The following LMO7 variants were observed in gnomAD, a reference collection of about 807,000 sequenced individuals.
The protein encoded by LMO7 is LIM domain only protein 7.
Under a neutral mutation model 206.5 loss-of-function variants are expected in LMO7, and 120 were observed. That is an observed-to-expected ratio of 0.58 (90% confidence interval 0.50 to 0.68). The LOEUF (loss-of-function observed/expected upper bound fraction) is 0.68. Among genes scored for constraint, LMO7 ranks in the 30% least tolerant of loss-of-function variants. The probability of loss-of-function intolerance (pLI) is 0.00; values close to 1 mark genes in which losing one functional copy is unlikely to be tolerated. For synonymous variants in LMO7, 706 were observed against 681.5 expected (o/e 1.04, Z -0.56); for missense variants, 1,959 against 1,957.9 (o/e 1.00, Z -0.01).
chr13:75,800,996 A>G, intron 7 of LMO7, 114 bp downstream of exon 7: 1 of 885,242 alleles, frequency 1.1e-6, no homozygotes, highest in Non-Finnish European at 1.8e-6. Context: ...TTAGAAGTGG[A>G]TTTTCATAGA....
In LMO7 at chr13:75,849,206, AC is replaced by A. The variant is rs1566614686; in HGVS notation, c.4282del (p.Leu1428PhefsTer26). Reference sequence around the variant, plus strand: ...TCCTTCAGGAAATGAGGAAGAGAACACCCCTTCACAATGACAACAGCTGGAT... The same window carrying A: ...TCCTTCAGGAAATGAGGAAGAGAACACCCTTCACAATGACAACAGCTGGAT... ...QILQEMRKRT[P>X]LHNDNSWIRQ... On this transcript the variant is annotated frameshift_variant, in exon 27 of 31. Coordinates refer to ENST00000377534, the MANE Select transcript of LMO7 (RefSeq NM_001306080.2). LOFTEE classifies it high-confidence loss of function. The A allele has an allele frequency of 1.2e-6, 2 of 1,614,012 alleles. No homozygotes were observed. Among genetic ancestry groups the A allele is most frequent in the East Asian group, 2.2e-5 (1 of 44,854 alleles).
intron 3 of LMO7, among the ~76,000 whole-genome samples, chr13:75,748,700 C>A (rs2047044387): frequency 1.3e-5 from 2 of 151,996 alleles, no homozygotes; most frequent in South Asian, 4.2e-4. Context: ...AAGGGGCTCT[C>A]ATAGGAGGAA....
intron 1 of LMO7, among the ~76,000 whole-genome samples, chr13:75,698,983 C>T (rs2042089883): frequency 6.6e-6 from 1 of 152,168 alleles, no homozygotes; most frequent in African/African-American, 2.4e-5. Flanking sequence ...TCTCTCTCCC[C>T]TAGCCCCTGA....
intron 3 of LMO7, among the ~76,000 whole-genome samples, chr13:75,745,361 A>G (rs2046751812): frequency 6.6e-6 from 1 of 152,234 alleles, no homozygotes; most frequent in Admixed American, 6.5e-5. Flanking sequence ...ATTTGTGACT[A>G]TACTAAAAAT....
At chr13:75,739,941 C>T (rs1211973160) in intron 3 of LMO7, among the ~76,000 whole-genome samples, 1 of 152,176 alleles carries the variant, frequency 6.6e-6, no homozygotes, top group Non-Finnish European at 1.5e-5. Flanking sequence ...GACCTCAAGA[C>T]AGAGTACTTT....
At chr13:75,686,713 T>C (rs1305089529) in intron 1 of LMO7, among the ~76,000 whole-genome samples, 2 of 152,032 alleles carry the variant, frequency 1.3e-5, no homozygotes, top group Admixed American at 6.6e-5. Flanking sequence ...GAGGAGAAGA[T>C]GTGCAAATGT....
At chr13:75,744,274 A>G (rs996607310) in intron 3 of LMO7, among the ~76,000 whole-genome samples, 1 of 152,192 alleles carries the variant, frequency 6.6e-6, no homozygotes, top group Non-Finnish European at 1.5e-5. Flanking sequence ...CTGCAAATGA[A>G]GAAACTGCTA....
At chr13:75,675,277 T>C (rs1438092264) in intron 1 of LMO7, among the ~76,000 whole-genome samples, 3 of 152,114 alleles carry the variant, frequency 2.0e-5, no homozygotes, top group African/African-American at 7.2e-5. Flanking sequence ...TTTCACCATG[T>C]TGGCCAGGCT....
At chr13:75,636,842 G>A in intron 1 of LMO7, 116 bp downstream of exon 1, 1 of 1,012,688 alleles carries the variant, frequency 9.9e-7, no homozygotes, top group Non-Finnish European at 1.5e-6. Flanking sequence ...CGACCCAGCC[G>A]ACGTGAACAA....
chr13:75,730,935 G>A lies in LMO7; in HGVS notation c.210+3837G>A, dbSNP rs753667090. 5.0e-4 allele frequency among the ~76,000 whole-genome samples: 75 copies of A among 149,248 alleles called. 2 individuals are homozygous for A. Among genetic ancestry groups the A allele is most frequent in the South Asian group, 2.4e-3 (11 of 4,634 alleles). On this transcript the variant is annotated intron_variant, in intron 3 of 30. Transcript: ENST00000377534. The stretch of plus-strand genomic sequence containing the variant: ...TTGTTCAGTTTCCATGTAGTTGAGC[G>A]GTTTTGAGTGAGTTTCTTAATCCTG...
rs2061123714 is a variant in LMO7, at chr13:75,858,374, A to G, written c.*431A>G. ...GCATTTGCTCTGTTTATTGTAATGT[A>G]TTCTAAATTAATGCAGAACCATATG... On this transcript the variant is annotated 3_prime_UTR_variant, in exon 31 of 31. Transcript: ENST00000377534. 1 of 154,976 alleles carries G rather than the reference A, an allele frequency of 6.5e-6. No individual in the cohort carries two copies. The highest frequency in any genetic ancestry group is 6.5e-5 in the Admixed American group (1 of 15,358). The allele number at this position is 154,976 out of a possible 1,614,324, so 9.6% of individuals were successfully genotyped here.
intron 1 of LMO7, among the ~76,000 whole-genome samples, chr13:75,654,935 G>T (rs181476048): frequency 6.9e-6 from 1 of 145,502 alleles, no homozygotes; most frequent in Non-Finnish European, 1.5e-5. Context: ...GCAGTGGTAC[G>T]ATCTCGGCTC....
chr13:75,681,886 G>A (rs2040568981), intron 1 of LMO7, among the ~76,000 whole-genome samples: 1 of 151,682 alleles, frequency 6.6e-6, no homozygotes, highest in African/African-American at 2.4e-5. Context: ...TTGCATGGAT[G>A]TACCACAGTT....
intron 12 of LMO7, among the ~76,000 whole-genome samples, chr13:75,818,338 C>CT (rs1307676025): frequency 6.6e-6 from 1 of 152,114 alleles, no homozygotes; most frequent in African/African-American, 2.4e-5. Context: ...AGGAGTGGCT[C>CT]TGTGGGCTTG....
chr13:75,687,978 G>A (rs914436302), intron 1 of LMO7, among the ~76,000 whole-genome samples: 4 of 152,158 alleles, frequency 2.6e-5, no homozygotes, highest in African/African-American at 7.2e-5. Context: ...TCTTGTGATA[G>A]TGAATAAGTC....
chr13:75,647,123 G>T (rs1045728248), intron 1 of LMO7, among the ~76,000 whole-genome samples: 2 of 151,876 alleles, frequency 1.3e-5, no homozygotes, highest in African/African-American at 4.8e-5. Context: ...CGCTATTTCC[G>T]CTAGAATATA....
chr13:75,722,544 A>G (rs1302444280), intron 2 of LMO7, among the ~76,000 whole-genome samples: 2 of 152,134 alleles, frequency 1.3e-5, no homozygotes. Context: ...TTAAAAAAAA[A>G]ATAGTTGTTG....
chr13:75,786,692 A>G (rs557156061), intron 4 of LMO7, among the ~76,000 whole-genome samples: 3 of 151,984 alleles, frequency 2.0e-5, no homozygotes, highest in South Asian at 4.2e-4. Flanking sequence ...GCCTCTCTCT[A>G]CTTATTTTCT....
At chr13:75,630,243 T>C (rs1029225938) in intron 2 of LMO7, among the ~76,000 whole-genome samples, 5 of 152,240 alleles carry the variant, frequency 3.3e-5, no homozygotes, top group Non-Finnish European at 7.3e-5. Flanking sequence ...AATCTGCAGA[T>C]ATAGAACCTG....
Sources: gnomAD v4.1 joint callset for allele counts (sites outside exome capture counted in the v4.1 genomes callset) on GRCh38, gnomAD v4.1.1 for gene constraint, MANE v1.5 for transcripts, NCBI Gene and HGNC (gene_info 2026-07-23, HGNC 2026-07-21) for gene names.